ASB18: variants seen among roughly 807,000 people sequenced by gnomAD.
ASB18 encodes the protein ankyrin repeat and SOCS box containing 18.
Under a neutral mutation model 33.4 loss-of-function variants are expected in ASB18, and 33 were observed. The ratio of observed to expected loss-of-function variants is 0.99; its 90% CI spans 0.75 to 1.32. The LOEUF is 1.32. Ranked by LOEUF, ASB18 falls within the 40% of genes most tolerant of loss-of-function variation. The pLI, the probability that ASB18 is intolerant of heterozygous loss-of-function variation, is 0.00. For synonymous variants in ASB18, 295 were observed against 307.6 expected (o/e 0.96, Z 0.43); for missense variants, 694 against 655.5 (o/e 1.06, Z -0.64).
chr2:236,200,214 T>C lies in ASB18; in HGVS notation c.1102-3829A>G, dbSNP rs1399759810. Among the ~76,000 whole-genome samples the C allele has an allele frequency of 5.3e-5, 8 of 151,992 alleles. No homozygotes were observed. The highest frequency in any genetic ancestry group is 1.9e-4 in the African/African-American group (8 of 41,378). On this transcript the variant is annotated intron_variant, in intron 4 of 5. Transcript: ENST00000409749. The surrounding 1 kb of genome is among the most constrained non-coding windows in gnomAD (Gnocchi z 4.2). ...ATACAACAAAATTAGCCAGGCATGGTGGTGCACATCTGTAGTCCCAGCTCC... is the reference window on the plus strand; with the variant it reads ...ATACAACAAAATTAGCCAGGCATGGCGGTGCACATCTGTAGTCCCAGCTCC...
At chr2:236,240,489 G>A (rs1222356720) in intron 2 of ASB18, among the ~76,000 whole-genome samples, 1 of 152,258 alleles carries the variant, frequency 6.6e-6, no homozygotes, top group Admixed American at 6.5e-5. Flanking sequence ...GTCTGGCAGA[G>A]CTGCTGTAGA....
In ASB18 at chr2:236,245,923, G is replaced by T. The variant is rs1485148839; in HGVS notation, c.206-4521C>A. ...GCCATCTGTTGCCTTTCACCCTTAG[G>T]GAAGAACACCATAACGTGGACGCTC... On this transcript the variant is annotated intron_variant, in intron 1 of 5. Transcript: ENST00000409749. This position sits in a 1 kb window ranked among gnomAD's most constrained non-coding sequence, Gnocchi z 4.7. 2.0e-5 allele frequency among the ~76,000 whole-genome samples: 3 copies of T among 152,142 alleles called. No individual in the cohort carries two copies. The highest frequency in any genetic ancestry group is 4.4e-5 in the Non-Finnish European group (3 of 68,032).
Position 236,214,473 on chromosome 2 carries a change from C to T in ASB18, c.990G>A (p.Leu330=). The T allele has an allele frequency of 6.6e-7, 1 of 1,512,790 alleles. No homozygotes were observed. The highest frequency in any genetic ancestry group is 8.8e-7 in the Non-Finnish European group (1 of 1,136,836). The allele number at this position is 1,512,790 out of a possible 1,614,324, so 93.7% of individuals were successfully genotyped here. A position where few individuals can be genotyped will look rare whatever the true frequency, so the allele number is the denominator to read the frequency against. The part of the protein sequence containing the change: ...GALDYGGASP[L]GRVLQTASCA... The stretch of plus-strand genomic sequence containing the variant: ...AGGATGCGGTCTGGAGCACGCGGCC[C>T]AGCGGCGAGGCCCCGCCATAGTCGA... Residue 330 remains leucine (L), a synonymous_variant, in exon 4 of 6, where the codon CTG becomes CTA. Coordinates refer to ENST00000409749, the MANE Select transcript of ASB18 (RefSeq NM_212556.4). This position sits in a 1 kb window ranked among gnomAD's most constrained non-coding sequence, Gnocchi z 6.5.
rs2060517876 is a variant in ASB18 at position 236,222,641 on chromosome 2, G to A, written c.597-7775C>T. On this transcript the variant is annotated intron_variant, in intron 3 of 5. Transcript: ENST00000409749. The surrounding 1 kb of genome is among the most constrained non-coding windows in gnomAD (Gnocchi z 5.5). The stretch of plus-strand genomic sequence containing the variant: ...CCTGGTGGGAGGTGGTTGGTTCATG[G>A]GGGTAGGTCTCTCACGAATGGTTTA... Among the ~76,000 whole-genome samples, 1 of 152,150 alleles carries A rather than the reference G, an allele frequency of 6.6e-6. No individual in the cohort carries two copies. The highest frequency in any genetic ancestry group is 2.1e-4 in the South Asian group (1 of 4,824).
chr2:236,245,004 G>T lies in ASB18; in HGVS notation c.206-3602C>A, dbSNP rs1418091291. ...GGTGGGGAGGGATGAGGCCACGTTT[G>T]GCAGTCTATGATGCAGGGGGATAAG... is the stretch of plus-strand genomic sequence containing the variant. On this transcript the variant is annotated intron_variant, in intron 1 of 5. Coordinates refer to ENST00000409749, the MANE Select transcript of ASB18 (RefSeq NM_212556.4). The surrounding 1 kb of genome is among the most constrained non-coding windows in gnomAD (Gnocchi z 4.7). Among the ~76,000 whole-genome samples, 1 of 152,124 alleles carries T rather than the reference G, an allele frequency of 6.6e-6. No homozygotes were observed. Among genetic ancestry groups the T allele is most frequent in the Non-Finnish European group, 1.5e-5 (1 of 68,018 alleles).
In ASB18 at chr2:236,208,829, G is replaced by A. The variant is rs2060445884; in HGVS notation, c.1101+5533C>T. Among the ~76,000 whole-genome samples, 1 of 152,198 alleles carries A rather than the reference G, an allele frequency of 6.6e-6. No homozygotes were observed. Among genetic ancestry groups the A allele is most frequent in the African/African-American group, 2.4e-5 (1 of 41,450 alleles). On this transcript the variant is annotated intron_variant, in intron 4 of 5. Coordinates refer to ENST00000409749, the MANE Select transcript of ASB18 (RefSeq NM_212556.4). This position sits in a 1 kb window ranked among gnomAD's most constrained non-coding sequence, Gnocchi z 7.7. ...AATCTCCGCGGCCTCCTTGCTGTCTGCGGAGAGGCGGCTGCCACATTACTC... is the reference window on the plus strand; with the variant it reads ...AATCTCCGCGGCCTCCTTGCTGTCTACGGAGAGGCGGCTGCCACATTACTC...
In ASB18 at chr2:236,214,541, G is replaced by A; in HGVS notation, c.922C>T (p.Leu308=). 7.1e-7 allele frequency: 1 copy of A among 1,411,676 alleles called. No individual in the cohort carries two copies. 87.4% of individuals were successfully genotyped at this position (1,411,676 alleles called of 1,614,324 possible). A position where few individuals can be genotyped will look rare whatever the true frequency, so the allele number is the denominator to read the frequency against. The change falls in exon 4 of 6, where the codon CTG becomes TTG. Residue 308 remains leucine (L), a synonymous_variant. Coordinates refer to ENST00000409749, the MANE Select transcript of ASB18 (RefSeq NM_212556.4). This position sits in a 1 kb window ranked among gnomAD's most constrained non-coding sequence, Gnocchi z 6.5. ...HKACGHASHS[L]ARLLLRHGAD... is the part of the protein sequence containing the mutation. The stretch of plus-strand genomic sequence containing the variant: ...CCGTGCCGCAGTAGGAGGCGCGCCA[G>A]GCTGTGGCTCGCGTGGCCGCAGGCT...
rs115535430 is a variant in ASB18, at chr2:236,204,128, T to C, written c.1102-7743A>G. On this transcript the variant is annotated intron_variant, in intron 4 of 5. Coordinates refer to ENST00000409749, the MANE Select transcript of ASB18 (RefSeq NM_212556.4). The surrounding 1 kb of genome is among the most constrained non-coding windows in gnomAD (Gnocchi z 5.1). ...CCCTTCCTGAGCTCTTCGTTAGTGT[T>C]ATCTCTTTGTCAGCTGGAGTACATC... 0.017 allele frequency among the ~76,000 whole-genome samples: 2,620 copies of C among 152,192 alleles called. 90 individuals are homozygous for C. Among genetic ancestry groups the C allele is most frequent in the African/African-American group, 0.06 (2,477 of 41,508 alleles).
intron 1 of ASB18, among the ~76,000 whole-genome samples, chr2:236,243,781 A>G (rs1433508009): frequency 6.6e-6 from 1 of 152,174 alleles, no homozygotes; most frequent in Non-Finnish European, 1.5e-5. Context: ...TTTATTGTCA[A>G]AAAATTAAAT....
In ASB18 at chr2:236,214,495, T is replaced by G. The variant is rs1346385794; in HGVS notation, c.968A>C (p.Asp323Ala). The change falls in exon 4 of 6, where the codon GAC becomes GCC. Residue 323 changes from aspartate (D) to alanine (A), a missense_variant. Coordinates refer to ENST00000409749, the MANE Select transcript of ASB18 (RefSeq NM_212556.4). This position sits in a 1 kb window ranked among gnomAD's most constrained non-coding sequence, Gnocchi z 6.5. ...GCCCAGCGGCGAGGCCCCGCCATAG[T>G]CGAGCGCGCCCGCGTCGGCGCCGTG... is the stretch of plus-strand genomic sequence containing the variant. ...LRHGADAGAL[D>A]YGGASPLGRV... The G allele has an allele frequency of 1.5e-5, 22 of 1,502,654 alleles. No homozygotes were observed. The highest frequency in any genetic ancestry group is 1.9e-5 in the Non-Finnish European group (22 of 1,134,558). 93.1% of individuals were successfully genotyped at this position (1,502,654 alleles called of 1,614,324 possible).
In ASB18 at chr2:236,193,910, T is replaced by C. The variant is rs1367928593; in HGVS notation, c.*962A>G. 6.6e-6 allele frequency among the ~76,000 whole-genome samples: 1 copy of C among 152,174 alleles called. No homozygotes were observed. Among genetic ancestry groups the C allele is most frequent in the East Asian group, 1.9e-4 (1 of 5,202 alleles). On this transcript the variant is annotated 3_prime_UTR_variant, in exon 6 of 6. Coordinates refer to ENST00000409749, the MANE Select transcript of ASB18 (RefSeq NM_212556.4). The surrounding 1 kb of genome is among the most constrained non-coding windows in gnomAD (Gnocchi z 5.0). ...AGTGAGGTGAGCTGTCGTGTCTGAATTGTCCCAGTGTTGTGTGTGGGTGGG... is the reference window on the plus strand; with the variant it reads ...AGTGAGGTGAGCTGTCGTGTCTGAACTGTCCCAGTGTTGTGTGTGGGTGGG...
At chr2:236,261,536 A>T (rs1423628415) in intron 1 of ASB18, among the ~76,000 whole-genome samples, 1 of 152,170 alleles carries the variant, frequency 6.6e-6, no homozygotes, top group African/African-American at 2.4e-5. Context: ...GTGCCCTAGG[A>T]TCATGTGTTT....
At position 236,213,661 on chromosome 2, in the gene ASB18, AG is replaced by A; in HGVS notation, c.1101+700del. On this transcript the variant is annotated intron_variant, in intron 4 of 5. Coordinates refer to ENST00000409749, the MANE Select transcript of ASB18 (RefSeq NM_212556.4). This position sits in a 1 kb window ranked among gnomAD's most constrained non-coding sequence, Gnocchi z 4.8. ...CTTTATTCTTTATCATTATTATTTC[AG>A]GGTAGATCTGACGGGTGGAACAAGG... 6.6e-6 allele frequency: 1 copy of A among 152,142 alleles called. No homozygotes were observed. Among genetic ancestry groups the A allele is most frequent in the Admixed American group, 6.5e-5 (1 of 15,280 alleles). The allele number at this position is 152,142 out of a possible 1,614,324, so 9.4% of individuals were successfully genotyped here.
Position 236,260,822 on chromosome 2 carries a change from G to A in ASB18, c.205+3319C>T, listed in dbSNP as rs1424465551. On this transcript the variant is annotated intron_variant, in intron 1 of 5. Coordinates refer to ENST00000409749, the MANE Select transcript of ASB18 (RefSeq NM_212556.4). The surrounding 1 kb of genome is among the most constrained non-coding windows in gnomAD (Gnocchi z 5.1). ...TGTGGTAAAACTCCTCCAAGCCTTTGATATGTCATCGTGCCAGTCTCTGAG... is the reference window on the plus strand; with the variant it reads ...TGTGGTAAAACTCCTCCAAGCCTTTAATATGTCATCGTGCCAGTCTCTGAG... 6.6e-6 allele frequency among the ~76,000 whole-genome samples: 1 copy of A among 152,180 alleles called. No homozygotes were observed.
In ASB18 at chr2:236,235,857, G is replaced by T. The variant is rs552864405; in HGVS notation, c.596+1832C>A. 1.1e-4 allele frequency among the ~76,000 whole-genome samples: 17 copies of T among 152,194 alleles called. No homozygotes were observed. The South Asian group carries it at 3.5e-3, about 32-fold the overall frequency. On this transcript the variant is annotated intron_variant, in intron 3 of 5. Transcript: ENST00000409749. This position sits in a 1 kb window ranked among gnomAD's most constrained non-coding sequence, Gnocchi z 6.2. The stretch of plus-strand genomic sequence containing the variant: ...TACAGGTGCATGCCAACATGCCTGG[G>T]TAATTTTTGTATTTTTTGTAGAGAT...
At chr2:236,243,581 G>A (rs1316842681) in intron 1 of ASB18, among the ~76,000 whole-genome samples, 3 of 152,038 alleles carry the variant, frequency 2.0e-5, no homozygotes, top group Non-Finnish European at 2.9e-5. Context: ...CAGATGCGGG[G>A]TTCCCAAAGA....
Position 236,204,935 on chromosome 2 carries a change from C to T in ASB18, c.1102-8550G>A, listed in dbSNP as rs12465430. 0.17 allele frequency among the ~76,000 whole-genome samples: 26,120 copies of T among 152,154 alleles called. 2,254 individuals carry two copies. Among genetic ancestry groups the T allele is most frequent in the South Asian group, 0.25 (1,196 of 4,818 alleles). ...GTCCATTGCTCCTGTTTCTCCTACA[C>T]TCCACATCCCATCTGTTAAAAAATC... On this transcript the variant is annotated intron_variant, in intron 4 of 5. Transcript: ENST00000409749. This position sits in a 1 kb window ranked among gnomAD's most constrained non-coding sequence, Gnocchi z 5.1.
At chr2:236,202,424 C>T (rs958752107) in intron 4 of ASB18, among the ~76,000 whole-genome samples, 8 of 151,808 alleles carry the variant, frequency 5.3e-5, no homozygotes, top group Non-Finnish European at 7.4e-5. Context: ...CTTTGTTTTC[C>T]GGTTCTGTTG....
chr2:236,238,130 G>C lies in ASB18; in HGVS notation c.329-174C>G, dbSNP rs984052531. 3.7e-4 allele frequency among the ~76,000 whole-genome samples: 57 copies of C among 152,148 alleles called. 1 individual carries two copies. The highest frequency in any genetic ancestry group is 3.3e-4 in the Admixed American group (5 of 15,258). On this transcript the variant is annotated intron_variant, in intron 2 of 5. Coordinates refer to ENST00000409749, the MANE Select transcript of ASB18 (RefSeq NM_212556.4). This position sits in a 1 kb window ranked among gnomAD's most constrained non-coding sequence, Gnocchi z 5.2. ...CGCACACAGAGACAGAGAGCAGAGA[G>C]ACACACTGGGAAGAGACAGGCGTAG...
Sources: allele counts gnomAD v4.1 joint callset (sites outside exome capture counted in the v4.1 genomes callset), GRCh38; gene constraint gnomAD v4.1.1; non-coding constraint Gnocchi (gnomAD v3.1); transcripts MANE v1.5; gene names NCBI Gene and HGNC (gene_info 2026-07-23, HGNC 2026-07-21).